Variants in MALRD1 observed in about 807,000 individuals in gnomAD.
MALRD1 encodes MAM and LDL receptor class A domain containing 1, also known as MAM and LDL-receptor class A domain-containing protein 1.
Under a neutral mutation model 242.1 loss-of-function variants are expected in MALRD1, and 247 were observed. The ratio of observed to expected loss-of-function variants is 1.02; its 90% CI spans 0.92 to 1.13. MALRD1 has a LOEUF of 1.13. MALRD1 is among the 50% of genes most tolerant of loss of function. The pLI, the probability that MALRD1 is intolerant of heterozygous loss-of-function variation, is 0.00. For missense variants in MALRD1, 2,989 were observed against 2,533.1 expected, an observed-to-expected ratio of 1.18 and a Z score of -3.86; for synonymous variants, 995 against 866.6, an observed-to-expected ratio of 1.15 and a Z score of -2.60.
At position 19,230,269 on chromosome 10, in the gene MALRD1, A is replaced by G. The variant is rs150639050; in HGVS notation, c.2991+20589A>G. Among the ~76,000 whole-genome samples the G allele has an allele frequency of 1.6e-4, 24 of 152,272 alleles. No homozygotes were observed. The East Asian group carries it at 4.2e-3, about 27-fold the overall frequency. ...CACTGTCCATGAATGATACTCTGTT[A>G]GCCCATTTGCATTGTTATAAAGAAA... On this transcript the variant is annotated intron_variant, in intron 18 of 39. Coordinates refer to ENST00000454679, the MANE Select transcript of MALRD1 (RefSeq NM_001142308.3).
chr10:19,631,023 C>A (rs1484829349), intron 36 of MALRD1, among the ~76,000 whole-genome samples: 1 of 152,118 alleles, frequency 6.6e-6, no homozygotes, highest in African/African-American at 2.4e-5. Context: ...TTCAGAGGTA[C>A]ATGTGGAGGT....
chr10:19,727,580 T>C (rs922775283), intron 38 of MALRD1, among the ~76,000 whole-genome samples: 1 of 152,168 alleles, frequency 6.6e-6, no homozygotes, highest in African/African-American at 2.4e-5. Flanking sequence ...GAAAAACTTA[T>C]ATGATCCATG....
At chr10:19,271,535 C>T (rs1840242827) in intron 19 of MALRD1, among the ~76,000 whole-genome samples, 1 of 152,102 alleles carries the variant, frequency 6.6e-6, no homozygotes, top group Admixed American at 6.6e-5. Flanking sequence ...GAGGCCGAGG[C>T]GGGCAGATCA....
At chr10:19,218,994 G>A (rs1837447063) in intron 18 of MALRD1, among the ~76,000 whole-genome samples, 1 of 151,968 alleles carries the variant, frequency 6.6e-6, no homozygotes, top group African/African-American at 2.4e-5. Flanking sequence ...TTTGACTGAT[G>A]CAAATGTTAC....
intron 36 of MALRD1, among the ~76,000 whole-genome samples, chr10:19,639,081 G>A (rs1470807161): frequency 6.6e-6 from 1 of 151,972 alleles, no homozygotes; most frequent in East Asian, 1.9e-4. Context: ...TGGAAGTATG[G>A]CATGGTCCAA....
intron 14 of MALRD1, among the ~76,000 whole-genome samples, chr10:19,185,350 G>C (rs138351956): frequency 6.6e-6 from 1 of 151,880 alleles, no homozygotes; most frequent in South Asian, 2.1e-4. Flanking sequence ...TTAGTCCAAA[G>C]TGCATGTACT....
At chr10:19,651,825 C>T (rs1291600898) in intron 36 of MALRD1, among the ~76,000 whole-genome samples, 10 of 152,162 alleles carry the variant, frequency 6.6e-5, no homozygotes, top group African/African-American at 2.4e-4. Flanking sequence ...CTCTTAGTTA[C>T]AAGCAACAGA....
chr10:19,440,966 T>C (rs1834610527), intron 28 of MALRD1, among the ~76,000 whole-genome samples: 2 of 151,942 alleles, frequency 1.3e-5, no homozygotes, highest in East Asian at 3.9e-4. Context: ...ACCAACAGTG[T>C]AAAAGTGTTC....
In MALRD1 at chr10:19,339,402, T is replaced by TCC. The variant is rs1843742825; in HGVS notation, c.3901+7820_3901+7821insCC. Among the ~76,000 whole-genome samples, 4 of 152,254 alleles carry TCC rather than the reference T, an allele frequency of 2.6e-5. No homozygotes were observed. In the East Asian group the frequency reaches 7.7e-4, roughly 29 times the overall value. ...GTAGCCAATTCACGTTTTCAACATT[T>TCC]TGCCCAAAAAGCTCCTCACACAAAT... On this transcript the variant is annotated intron_variant, in intron 24 of 39. Coordinates refer to ENST00000454679, the MANE Select transcript of MALRD1 (RefSeq NM_001142308.3).
intron 21 of MALRD1, among the ~76,000 whole-genome samples, chr10:19,292,455 G>A (rs371110526): frequency 4.6e-5 from 7 of 152,032 alleles, no homozygotes; most frequent in African/African-American, 1.7e-4. Context: ...TTGAAAAGTA[G>A]AAGTACCCAG....
chr10:19,467,208 A>C (rs1167763911), intron 29 of MALRD1, among the ~76,000 whole-genome samples: 1 of 111,896 alleles, frequency 8.9e-6, no homozygotes, highest in African/African-American at 3.2e-5. Flanking sequence ...CAAAAAAATT[A>C]GCCGGGTGTG....
chr10:19,229,990 T>C (rs923815833), intron 18 of MALRD1, among the ~76,000 whole-genome samples: 6 of 152,104 alleles, frequency 3.9e-5, no homozygotes, highest in Non-Finnish European at 7.4e-5. Flanking sequence ...GGGGCAGTTT[T>C]CCCCATACTG....
chr10:19,078,316 C>T (rs1040863514), intron 2 of MALRD1, among the ~76,000 whole-genome samples: 2 of 151,496 alleles, frequency 1.3e-5, no homozygotes, highest in African/African-American at 2.4e-5. Flanking sequence ...TTGACATGGT[C>T]GTTTGTTTTT....
chr10:19,462,613 A>C (rs7904642), intron 29 of MALRD1, among the ~76,000 whole-genome samples: 1 of 152,136 alleles, frequency 6.6e-6, no homozygotes, highest in Non-Finnish European at 1.5e-5. Flanking sequence ...CAAATCCACT[A>C]TAAGCTCATT....
intron 33 of MALRD1, among the ~76,000 whole-genome samples, chr10:19,587,929 A>G (rs1455484117): frequency 1.3e-5 from 2 of 151,236 alleles, no homozygotes; most frequent in African/African-American, 2.4e-5. Context: ...TTTTTCTTAA[A>G]TATTTTCCTT....
chr10:19,394,160 A>G (rs1846472107), intron 28 of MALRD1, among the ~76,000 whole-genome samples: 1 of 152,186 alleles, frequency 6.6e-6, no homozygotes, highest in African/African-American at 2.4e-5. Flanking sequence ...CTGATATAGC[A>G]ACCTAGTTAT....
chr10:19,245,690 A>G (rs1407204951), intron 18 of MALRD1, among the ~76,000 whole-genome samples: 2 of 152,168 alleles, frequency 1.3e-5, no homozygotes, highest in Non-Finnish European at 2.9e-5. Context: ...AGAAAAACCT[A>G]AAGTCTTCCC....
chr10:19,666,910 G>C (rs1841704677), intron 36 of MALRD1, among the ~76,000 whole-genome samples: 1 of 152,130 alleles, frequency 6.6e-6, no homozygotes, highest in Admixed American at 6.6e-5. Context: ...GGAAGAGCTA[G>C]AACTTGTGTA....
In MALRD1 at chr10:19,171,457, T is replaced by TATAC. The variant is rs1166665866; in HGVS notation, c.1831-3750_1831-3749insTACA. On this transcript the variant is annotated intron_variant, in intron 13 of 39. Transcript: ENST00000454679. ...ATATATATATATATATATATATATA[T>TATAC]ACACACATGTATATACACACACACA... Among the ~76,000 whole-genome samples the TATAC allele has an allele frequency of 2.7e-4, 20 of 74,556 alleles. 1 individual carries two copies. Among genetic ancestry groups the TATAC allele is most frequent in the African/African-American group, 8.4e-4 (20 of 23,896 alleles). 48.9% of individuals were successfully genotyped at this position (74,556 alleles called of 152,430 possible). A position where few individuals can be genotyped will look rare whatever the true frequency, so the allele number is the denominator to read the frequency against.
Sources: gnomAD v4.1 joint callset for allele counts (sites outside exome capture counted in the v4.1 genomes callset) on GRCh38, gnomAD v4.1.1 for gene constraint, MANE v1.5 for transcripts, NCBI Gene and HGNC (gene_info 2026-07-23, HGNC 2026-07-21) for gene names.